CELF2: variants seen among roughly 807,000 people sequenced by gnomAD.
The protein encoded by CELF2 is CUG triplet repeat RNA-binding protein 2.
Under a neutral mutation model 62.6 loss-of-function variants are expected in CELF2, and 8 were observed. That is an observed-to-expected ratio of 0.13 (90% CI 0.07 to 0.23). The LOEUF (loss-of-function observed/expected upper bound fraction) is 0.23, where lower values mean the gene tolerates loss of function less well. Among genes scored for constraint, CELF2 ranks in the 10% least tolerant of loss-of-function variants. The pLI is 1.00. For missense variants in CELF2, 333 were observed against 671.0 expected (o/e 0.50, Z 5.56); for synonymous variants, 258 against 250.0 (o/e 1.03, Z -0.30).
chr10:11,045,120 G>A (rs573379411), intron 1 of CELF2, among the ~76,000 whole-genome samples: 2 of 152,146 alleles, frequency 1.3e-5, no homozygotes, highest in African/African-American at 2.4e-5. Flanking sequence ...CTTGTGTTCC[G>A]CAGTCAGGAT....
chr10:10,542,531 C>G, the CELF2 span, among the ~76,000 whole-genome samples: 3 of 152,302 alleles, frequency 2.0e-5, no homozygotes, highest in South Asian at 6.2e-4. Flanking sequence ...CTTTTCCACT[C>G]TAAGATAGAA....
At chr10:11,312,613 C>T (rs529810311) in intron 9 of CELF2, among the ~76,000 whole-genome samples, 1 of 152,292 alleles carries the variant, frequency 6.6e-6, no homozygotes, top group African/African-American at 2.4e-5. Context: ...TGCATGACTT[C>T]CAAAGTAGTA....
intron 9 of CELF2, among the ~76,000 whole-genome samples, chr10:11,294,459 G>T (rs751188886): frequency 1.3e-5 from 2 of 152,152 alleles, no homozygotes; most frequent in Admixed American, 6.5e-5. Context: ...AGCCTTTACC[G>T]TCCTCTTTTT....
At chr10:11,043,988 C>T (rs562119582) in intron 1 of CELF2, among the ~76,000 whole-genome samples, 2 of 152,334 alleles carry the variant, frequency 1.3e-5, no homozygotes, top group East Asian at 1.9e-4. Flanking sequence ...TGCCAGCACA[C>T]CCTCTTCAGG....
intron 2 of CELF2, among the ~76,000 whole-genome samples, chr10:11,213,998 A>G (rs951825039): frequency 6.6e-6 from 1 of 152,162 alleles, no homozygotes; most frequent in African/African-American, 2.4e-5. Flanking sequence ...TACTGATGAG[A>G]CTAGGCCGGG....
chr10:11,070,890 C>T (rs1158394310), intron 1 of CELF2, among the ~76,000 whole-genome samples: 1 of 152,046 alleles, frequency 6.6e-6, no homozygotes, highest in East Asian at 1.9e-4. Flanking sequence ...TACTTGGTAA[C>T]CTTAGTGGGA....
chr10:11,178,380 G>A lies in CELF2; in HGVS notation c.271+12698G>A, dbSNP rs1472016566. 2.0e-5 allele frequency among the ~76,000 whole-genome samples: 3 copies of A among 152,160 alleles called. No individual in the cohort carries two copies. The highest frequency in any genetic ancestry group is 1.3e-4 in the Admixed American group (2 of 15,250). Reference sequence around the variant, plus strand: ...ATTCAGCTCTAGAGGTGGCAAACACGGGGCCCTTCCACCAGGCCCACTCCC... The same window carrying A: ...ATTCAGCTCTAGAGGTGGCAAACACAGGGCCCTTCCACCAGGCCCACTCCC... On this transcript the variant is annotated intron_variant, in intron 2 of 12. Transcript: ENST00000633077. This position sits in a 1 kb window ranked among gnomAD's most constrained non-coding sequence, Gnocchi z 4.3.
chr10:10,555,389 T>C, the CELF2 span, among the ~76,000 whole-genome samples: 2 of 151,964 alleles, frequency 1.3e-5, no homozygotes, highest in Non-Finnish European at 2.9e-5. Flanking sequence ...GAATACCATT[T>C]ACAAAAAGGA....
chr10:10,673,178 G>T, the CELF2 span, among the ~76,000 whole-genome samples: 1 of 151,962 alleles, frequency 6.6e-6, no homozygotes, highest in Non-Finnish European at 1.5e-5. Context: ...GGAGTTTGGG[G>T]TTCTGTTTTT....
intron 1 of CELF2, 69 bp downstream of exon 1, chr10:11,018,232 G>T: frequency 7.4e-7 from 1 of 1,358,788 alleles, no homozygotes. Flanking sequence ...GCGCGAAGGG[G>T]ACGGGCGTCG....
the CELF2 span, among the ~76,000 whole-genome samples, chr10:10,622,442 CTACA>C: frequency 6.6e-6 from 1 of 151,616 alleles, no homozygotes; most frequent in Non-Finnish European, 1.5e-5. Flanking sequence ...GACCCCATCA[CTACA>C]TACATACATA....
chr10:10,619,322 A>G, the CELF2 span, among the ~76,000 whole-genome samples: 2 of 152,206 alleles, frequency 1.3e-5, no homozygotes, highest in African/African-American at 2.4e-5. Flanking sequence ...TCATTACTAC[A>G]GGCATGTAGT....
At chr10:10,812,043 G>A (rs1385126784) in intron 1 of CELF2, among the ~76,000 whole-genome samples, 1 of 152,164 alleles carries the variant, frequency 6.6e-6, no homozygotes, top group African/African-American at 2.4e-5. Flanking sequence ...GCAGGGTCCT[G>A]TCTGTTCTCA....
At chr10:10,726,996 G>T in the CELF2 span, among the ~76,000 whole-genome samples, 1 of 152,194 alleles carries the variant, frequency 6.6e-6, no homozygotes, top group Non-Finnish European at 1.5e-5. Context: ...GGAAGAGAGA[G>T]GGGGATGGCA....
chr10:11,205,874 C>T (rs2060313206), intron 2 of CELF2, among the ~76,000 whole-genome samples: 1 of 152,126 alleles, frequency 6.6e-6, no homozygotes, highest in Non-Finnish European at 1.5e-5. Context: ...AGCATCATAT[C>T]CAACAAGAAA....
chr10:11,132,585 G>T (rs890159694), intron 1 of CELF2, among the ~76,000 whole-genome samples: 23 of 152,218 alleles, frequency 1.5e-4, no homozygotes, highest in African/African-American at 3.9e-4. Context: ...CAATGAAATT[G>T]TCTTTGTGTT....
chr10:11,035,201 GA>G (rs796407486), intron 1 of CELF2, among the ~76,000 whole-genome samples: 49 of 147,208 alleles, frequency 3.3e-4, no homozygotes, highest in Admixed American at 7.4e-4. Context: ...AAACCTTAAG[GA>G]AAAAAAAAAA....
At chr10:10,511,817 C>T in the CELF2 span, among the ~76,000 whole-genome samples, 28 of 152,254 alleles carry the variant, frequency 1.8e-4, 1 homozygote, top group East Asian at 5.4e-3. Flanking sequence ...CGCCAGCAGC[C>T]CAGTAAGAAC....
intron 1 of CELF2, among the ~76,000 whole-genome samples, chr10:11,009,350 A>AGT (rs1176126659): frequency 1.3e-5 from 2 of 150,422 alleles, no homozygotes; most frequent in South Asian, 2.1e-4. Flanking sequence ...CGTGTGTGTG[A>AGT]GTGTGTGTGT....
Sources: allele counts gnomAD v4.1 joint callset (sites outside exome capture counted in the v4.1 genomes callset), GRCh38; gene constraint gnomAD v4.1.1; non-coding constraint Gnocchi (gnomAD v3.1); transcripts MANE v1.5; gene names NCBI Gene and HGNC (gene_info 2026-07-23, HGNC 2026-07-21).